Variants in NAV2 observed in about 807,000 individuals in gnomAD.
NAV2 encodes helicase, APC down-regulated 1.
Under a neutral mutation model 223.2 loss-of-function variants are expected in NAV2, and 54 were observed. The observed-to-expected ratio is 0.24, with a 90% CI of 0.19 to 0.30. The LOEUF is 0.30. Among genes scored for constraint, NAV2 ranks in the 10% least tolerant of loss-of-function variants. The pLI is 1.00. For missense variants in NAV2, 2,806 were observed against 3,147.5 expected (o/e 0.89, Z 2.60); for synonymous variants, 1,279 against 1,239.3 (o/e 1.03, Z -0.67).
At position 20,106,183 on chromosome 11, in the gene NAV2, G is replaced by GTATATATATA. The variant is rs1182631250; in HGVS notation, c.6841+494_6841+503dup. Among the ~76,000 whole-genome samples, 16 of 25,530 alleles carry GTATATATATA rather than the reference G, an allele frequency of 6.3e-4. 1 individual carries two copies. The highest frequency in any genetic ancestry group is 9.5e-4 in the Non-Finnish European group (10 of 10,518). The allele number at this position is 25,530 out of a possible 152,430, so 16.7% of individuals were successfully genotyped here. On this transcript the variant is annotated intron_variant, in intron 35 of 37. Coordinates refer to ENST00000349880, the MANE Select transcript of NAV2 (RefSeq NM_145117.5). ...TATATATATATATATATATGTGTGT[G>GTATATATATA]TATATATATATATATATATATATAT...
chr11:19,968,160 A>G (rs996000813), intron 10 of NAV2, among the ~76,000 whole-genome samples: 2 of 152,166 alleles, frequency 1.3e-5, no homozygotes, highest in Non-Finnish European at 2.9e-5. Context: ...TCATATGATG[A>G]AAACAAATAG....
intron 3 of NAV2, among the ~76,000 whole-genome samples, chr11:19,845,211 T>A (rs1008602086): frequency 6.6e-6 from 1 of 152,206 alleles, no homozygotes; most frequent in Non-Finnish European, 1.5e-5. Context: ...ATGGGAAGTA[T>A]AATTTGAGAA....
At chr11:19,603,000 G>C (rs2056801577) in intron 1 of NAV2, among the ~76,000 whole-genome samples, 1 of 152,100 alleles carries the variant, frequency 6.6e-6, no homozygotes, top group Admixed American at 6.6e-5. Context: ...GGAACAGCAT[G>C]AGCAAAGGAT....
chr11:20,043,157 C>T (rs1347908511), intron 12 of NAV2, among the ~76,000 whole-genome samples: 3 of 152,162 alleles, frequency 2.0e-5, no homozygotes, highest in East Asian at 1.9e-4. Flanking sequence ...CCCTGATTTG[C>T]GTAGAACCAG....
intron 30 of NAV2, 128 bp from the exon 31 acceptor site, chr11:20,097,449 C>T: frequency 1.3e-6 from 1 of 755,832 alleles, no homozygotes; most frequent in Non-Finnish European, 2.0e-6. Context: ...CCTCATCCCA[C>T]AGCTCAATTT....
intron 1 of NAV2, among the ~76,000 whole-genome samples, chr11:19,566,309 C>T (rs528382560): frequency 9.2e-5 from 14 of 152,200 alleles, no homozygotes; most frequent in African/African-American, 3.4e-4. Flanking sequence ...AACTCCTGGT[C>T]TCAAGCAATT....
Position 20,103,248 on chromosome 11 carries a change from A to G in NAV2, c.6418-7A>G, listed in dbSNP as rs143337476. ...TTGTTCTCCTTCGGCCTTCCTGGCC[A>G]CCATAGGAATTGCGCCAGTACCTGT... On this transcript the variant is annotated splice_region_variant and splice_polypyrimidine_tract_variant and intron_variant, in intron 32 of 37. Transcript: ENST00000349880. 4.1e-3 allele frequency: 6,640 copies of G among 1,609,060 alleles called. 27 individuals are homozygous for G. Among genetic ancestry groups the G allele is most frequent in the Non-Finnish European group, 4.7e-3 (5,529 of 1,177,058 alleles).
At chr11:19,527,027 C>T (rs1439463377) in intron 1 of NAV2, among the ~76,000 whole-genome samples, 1 of 152,074 alleles carries the variant, frequency 6.6e-6, no homozygotes, top group Admixed American at 6.5e-5. Context: ...TGGCATCTTT[C>T]TCCAACCCTC....
intron 1 of NAV2, among the ~76,000 whole-genome samples, chr11:19,677,569 C>A (rs1377039989): frequency 6.6e-6 from 1 of 152,244 alleles, no homozygotes; most frequent in African/African-American, 2.4e-5. Context: ...GACAGAATGA[C>A]TCCTAAAAAT....
intron 1 of NAV2, among the ~76,000 whole-genome samples, chr11:19,562,031 C>T (rs574694392): frequency 3.9e-5 from 6 of 152,344 alleles, no homozygotes; most frequent in Admixed American, 3.3e-4. Flanking sequence ...GGCACTAAGC[C>T]TCTGGGGGTG....
chr11:19,627,054 G>T (rs4757829), intron 1 of NAV2, among the ~76,000 whole-genome samples: 127,601 of 152,078 alleles, frequency 0.84, 56,707 homozygotes, highest in Non-Finnish European at 0.98. Context: ...TTTGAAGAAG[G>T]TGAGGCAAGC....
intron 1 of NAV2, among the ~76,000 whole-genome samples, chr11:19,723,052 A>G (rs1337745999): frequency 6.6e-6 from 1 of 152,230 alleles, no homozygotes; most frequent in African/African-American, 2.4e-5. Context: ...AGATAACACC[A>G]TGGGCTTTGG....
chr11:19,529,461 TAC>T (rs1257522278), intron 1 of NAV2, among the ~76,000 whole-genome samples: 3 of 152,222 alleles, frequency 2.0e-5, no homozygotes, highest in African/African-American at 7.2e-5. Context: ...CCATCCCAAT[TAC>T]AGTGTCAGTT....
chr11:19,672,202 G>A (rs573521373), intron 1 of NAV2, among the ~76,000 whole-genome samples: 1 of 152,200 alleles, frequency 6.6e-6, no homozygotes, highest in Non-Finnish European at 1.5e-5. Context: ...ATAGCAAAGT[G>A]CAGTGCACAG....
chr11:19,394,654 A>C (rs182728027), intron 1 of NAV2, among the ~76,000 whole-genome samples: 1 of 152,344 alleles, frequency 6.6e-6, no homozygotes, highest in East Asian at 1.9e-4. Flanking sequence ...CCAGGCAAGA[A>C]GGTGAGATAA....
chr11:19,479,012 C>T (rs1232440437), intron 1 of NAV2, among the ~76,000 whole-genome samples: 2 of 152,132 alleles, frequency 1.3e-5, no homozygotes. Flanking sequence ...GCAGATTCTA[C>T]AGAGGTGGGG....
At position 20,106,215 on chromosome 11, in the gene NAV2, A is replaced by G. The variant is rs1333331529; in HGVS notation, c.6841+488A>G. 6.0e-3 allele frequency among the ~76,000 whole-genome samples: 588 copies of G among 98,180 alleles called. 36 individuals carry two copies. The highest frequency in any genetic ancestry group is 0.02 in the South Asian group (54 of 2,718). 64.4% of individuals were successfully genotyped at this position (98,180 alleles called of 152,430 possible). A position where few individuals can be genotyped will look rare whatever the true frequency, so the allele number is the denominator to read the frequency against. ...TATATATATATATATATATATATATATATATATATATATATGCTTTATGAA... is the reference window on the plus strand; with the variant it reads ...TATATATATATATATATATATATATGTATATATATATATATGCTTTATGAA... On this transcript the variant is annotated intron_variant, in intron 35 of 37. Coordinates refer to ENST00000349880, the MANE Select transcript of NAV2 (RefSeq NM_145117.5).
intron 6 of NAV2, among the ~76,000 whole-genome samples, chr11:19,904,833 C>T (rs935109673): frequency 3.3e-5 from 5 of 152,156 alleles, no homozygotes; most frequent in Non-Finnish European, 7.4e-5. Flanking sequence ...GCTGGAATAT[C>T]ACTTGCTAGG....
chr11:19,588,796 A>G lies in NAV2; in HGVS notation c.75+237769A>G, dbSNP rs112139350. ...TAAGAAAAAAGAAAGGAGTCAGAGC[A>G]TGGGGTGTGATGTGGTTTGGAATCT... On this transcript the variant is annotated intron_variant, in intron 1 of 37. Transcript: ENST00000360655. Among the ~76,000 whole-genome samples, 470 of 152,340 alleles carry G rather than the reference A, an allele frequency of 3.1e-3. 2 individuals are homozygous for G. Among genetic ancestry groups the G allele is most frequent in the African/African-American group, 0.011 (454 of 41,592 alleles).
Sources: gnomAD v4.1 joint callset for allele counts (sites outside exome capture counted in the v4.1 genomes callset) on GRCh38, gnomAD v4.1.1 for gene constraint, MANE v1.5 for transcripts, NCBI Gene and HGNC (gene_info 2026-07-23, HGNC 2026-07-21) for gene names.